Variants in LRMDA observed in about 807,000 individuals in gnomAD.
The protein encoded by LRMDA is leucine-rich melanocyte differentiation-associated protein.
LRMDA carries 18 observed loss-of-function variants against 29.8 expected under a neutral mutation model. That is an observed-to-expected ratio of 0.60 (90% CI 0.42 to 0.90). The LOEUF (loss-of-function observed/expected upper bound fraction) is 0.90, where lower values mean the gene tolerates loss of function less well. LRMDA is among the 40% of genes least tolerant of loss of function. LRMDA has a pLI of 0.00. For missense variants in LRMDA, 273 were observed against 273.9 expected (o/e 1.00, Z 0.02); for synonymous variants, 125 against 109.4 (o/e 1.14, Z -0.89).
At chr10:75,744,235 C>T (rs182871886) in intron 2 of LRMDA, among the ~76,000 whole-genome samples, 178 of 152,238 alleles carry the variant, frequency 1.2e-3, no homozygotes, top group African/African-American at 3.6e-3. Context: ...TAACAATACC[C>T]GTCAGATATG....
At position 76,014,099 on chromosome 10, in the gene LRMDA, A is replaced by T. The variant is rs1029431379; in HGVS notation, c.132-21909A>T. Among the ~76,000 whole-genome samples, 171 of 94,978 alleles carry T rather than the reference A, an allele frequency of 1.8e-3. 1 individual carries two copies. Among genetic ancestry groups the T allele is most frequent in the African/African-American group, 6.0e-3 (168 of 28,048 alleles). The allele number at this position is 94,978 out of a possible 152,430, so 62.3% of individuals were successfully genotyped here. A position where few individuals can be genotyped will look rare whatever the true frequency, so the allele number is the denominator to read the frequency against. On this transcript the variant is annotated intron_variant, in intron 2 of 6. Coordinates refer to ENST00000611255, the MANE Select transcript of LRMDA (RefSeq NM_001305581.2). ...TATGGTCTGCTGTTTCTGTTTAAAA[A>T]AAAAAAGTATATATATATATATATA... is the stretch of plus-strand genomic sequence containing the variant.
chr10:76,148,340 C>G (rs977492278), intron 5 of LRMDA, among the ~76,000 whole-genome samples: 1 of 152,234 alleles, frequency 6.6e-6, no homozygotes, highest in Non-Finnish European at 1.5e-5. Flanking sequence ...CCACCCAGTT[C>G]TAGCTTCCCG....
In LRMDA at chr10:76,389,580, A is replaced by C. The variant is rs1257913000; in HGVS notation, c.601+65095A>C. ...CACGATGACCACCATCCATCTCCAG[A>C]ATCTTTTCATCCTGCAAAACTGAAA... On this transcript the variant is annotated intron_variant, in intron 6 of 6. Transcript: ENST00000611255. Among the ~76,000 whole-genome samples the C allele has an allele frequency of 2.0e-5, 3 of 152,164 alleles. No homozygotes were observed. In the East Asian group the frequency reaches 5.8e-4, roughly 29 times the overall value.
chr10:76,380,765 T>C (rs1394079302), intron 6 of LRMDA, among the ~76,000 whole-genome samples: 3 of 151,740 alleles, frequency 2.0e-5, no homozygotes. Flanking sequence ...AACAAATTGC[T>C]TTATCAGAGG....
chr10:75,935,607 G>A (rs1448698041), intron 2 of LRMDA, among the ~76,000 whole-genome samples: 2 of 152,164 alleles, frequency 1.3e-5, no homozygotes, highest in Non-Finnish European at 2.9e-5. Flanking sequence ...GAAATGCCAA[G>A]GTCACAGAGA....
intron 5 of LRMDA, among the ~76,000 whole-genome samples, chr10:76,307,953 A>C (rs1840579131): frequency 6.6e-6 from 1 of 152,124 alleles, no homozygotes; most frequent in Non-Finnish European, 1.5e-5. Context: ...GGATAATCTT[A>C]TTTTCCTGAA....
intron 5 of LRMDA, among the ~76,000 whole-genome samples, chr10:76,167,980 AC>A (rs1267923181): frequency 2.0e-5 from 3 of 151,998 alleles, no homozygotes; most frequent in Admixed American, 1.3e-4. Context: ...TTCCCTGGTT[AC>A]CTGTATTTCT....
intron 2 of LRMDA, among the ~76,000 whole-genome samples, chr10:75,470,536 G>A (rs555228577): frequency 1.3e-5 from 2 of 152,320 alleles, no homozygotes; most frequent in Non-Finnish European, 2.9e-5. Context: ...ACGGAAATGC[G>A]TTTGAAGGCA....
chr10:75,734,429 G>A (rs1842736219), intron 2 of LRMDA, among the ~76,000 whole-genome samples: 3 of 152,020 alleles, frequency 2.0e-5, no homozygotes, highest in African/African-American at 4.8e-5. Context: ...CAGGAGAATT[G>A]GACTCTAGTC....
At chr10:75,597,064 CCCGTGTT>C in intron 2 of LRMDA, among the ~76,000 whole-genome samples, 1 of 150,860 alleles carries the variant, frequency 6.6e-6, no homozygotes, top group East Asian at 2.0e-4. Context: ...CTCTTTGAGT[CCCGTGTT>C]CCTTATTTGG....
intron 5 of LRMDA, among the ~76,000 whole-genome samples, chr10:76,244,527 C>A: frequency 6.6e-6 from 1 of 152,076 alleles, no homozygotes; most frequent in East Asian, 1.9e-4. Context: ...TTTTCAAATG[C>A]AGTTCATTGA....
intron 2 of LRMDA, among the ~76,000 whole-genome samples, chr10:75,514,889 G>C (rs1421699082): frequency 2.0e-5 from 3 of 152,064 alleles, no homozygotes; most frequent in African/African-American, 7.2e-5. Context: ...GACAGGGTCA[G>C]AGGCTGTGCC....
chr10:75,494,686 A>C (rs1211837592), intron 2 of LRMDA, among the ~76,000 whole-genome samples: 1 of 151,926 alleles, frequency 6.6e-6, no homozygotes, highest in Non-Finnish European at 1.5e-5. Context: ...TTTTTAGTAG[A>C]GATGGGGTTT....
intron 2 of LRMDA, among the ~76,000 whole-genome samples, chr10:75,885,367 A>G (rs1437044412): frequency 1.3e-5 from 2 of 152,082 alleles, no homozygotes. Context: ...ATATATTTCT[A>G]CCTACTAGTT....
intron 5 of LRMDA, among the ~76,000 whole-genome samples, chr10:76,151,923 A>C (rs1017394601): frequency 6.6e-6 from 1 of 152,220 alleles, no homozygotes; most frequent in Admixed American, 6.5e-5. Flanking sequence ...TGTAGGATAA[A>C]GTAGTAATGG....
rs567498043 is a variant in LRMDA, at chr10:76,237,128, G to A, written c.517-87273G>A. On this transcript the variant is annotated intron_variant, in intron 5 of 6. Coordinates refer to ENST00000611255, the MANE Select transcript of LRMDA (RefSeq NM_001305581.2). ...GAGTCTTGGAGTTGGAGATTGCAGTGAGCTATGACTGCACTACTGCATTCG... is the reference window on the plus strand; with the variant it reads ...GAGTCTTGGAGTTGGAGATTGCAGTAAGCTATGACTGCACTACTGCATTCG... Among the ~76,000 whole-genome samples the A allele has an allele frequency of 9.2e-5, 14 of 152,304 alleles. No homozygotes were observed. The South Asian group carries it at 2.7e-3, about 29-fold the overall frequency.
chr10:75,679,057 G>C (rs1237653169), intron 2 of LRMDA, among the ~76,000 whole-genome samples: 1 of 152,148 alleles, frequency 6.6e-6, no homozygotes, highest in African/African-American at 2.4e-5. Context: ...CCTCCTCTAA[G>C]TGAAGACCTT....
intron 5 of LRMDA, among the ~76,000 whole-genome samples, chr10:76,102,784 C>G (rs1849415077): frequency 6.6e-6 from 1 of 152,158 alleles, no homozygotes; most frequent in African/African-American, 2.4e-5. Context: ...TCCTGTGTAG[C>G]TGGGACTATA....
chr10:75,440,206 A>C (rs571556583), intron 2 of LRMDA, among the ~76,000 whole-genome samples: 4 of 146,226 alleles, frequency 2.7e-5, no homozygotes, highest in African/African-American at 1.0e-4. Flanking sequence ...ATATGGATTT[A>C]TTGTAGGAAA....
Sources: gnomAD v4.1 joint callset for allele counts (sites outside exome capture counted in the v4.1 genomes callset) on GRCh38, gnomAD v4.1.1 for gene constraint, MANE v1.5 for transcripts, NCBI Gene and HGNC (gene_info 2026-07-23, HGNC 2026-07-21) for gene names.